The following BCL11B variants were observed in gnomAD, a reference collection of about 807,000 sequenced individuals.
The protein encoded by BCL11B is BCL11 transcription factor B.
In BCL11B, 8 loss-of-function variants were observed where a neutral mutation model predicts 49.9. That is an observed-to-expected ratio of 0.16 (90% CI 0.09 to 0.29). BCL11B has a LOEUF of 0.29. BCL11B is among the 10% of genes least tolerant of loss of function. The pLI is 1.00. For missense variants in BCL11B, 1,006 were observed against 1,351.0 expected, an observed-to-expected ratio of 0.74 and a Z score of 4.00; for synonymous variants, 739 against 637.4, an observed-to-expected ratio of 1.16 and a Z score of -2.40.
rs1457170072 is a variant in BCL11B at position 99,231,593 on chromosome 14, G to A, written c.428-36C>T. 2 of 1,543,612 alleles carry A rather than the reference G, an allele frequency of 1.3e-6. No homozygotes were observed. The highest frequency in any genetic ancestry group is 2.4e-5 in the East Asian group (1 of 40,942). On this transcript the variant is annotated intron_variant, in intron 2 of 3. Transcript: ENST00000357195. The surrounding 1 kb of genome is among the most constrained non-coding windows in gnomAD (Gnocchi z 8.1). ...AACAATAGAAAAGACTGGTCAGTCGGGCCCTGGACTGTGTGAGGGGCACGG... is the reference window on the plus strand; with the variant it reads ...AACAATAGAAAAGACTGGTCAGTCGAGCCCTGGACTGTGTGAGGGGCACGG...
At chr14:99,181,775 A>C (rs1886710770) in intron 3 of BCL11B, among the ~76,000 whole-genome samples, 1 of 152,170 alleles carries the variant, frequency 6.6e-6, no homozygotes, top group African/African-American at 2.4e-5. Flanking sequence ...CAGGGATGGG[A>C]AACCAGATCC....
chr14:99,230,058 C>T (rs940240779), intron 3 of BCL11B, among the ~76,000 whole-genome samples: 1 of 152,190 alleles, frequency 6.6e-6, no homozygotes, highest in Non-Finnish European at 1.5e-5. Flanking sequence ...AACCAGAACT[C>T]CCTTTTGGAA....
Position 99,242,494 on chromosome 14 carries a change from A to C in BCL11B, c.428-10937T>G, listed in dbSNP as rs116047363. Among the ~76,000 whole-genome samples, 232 of 152,220 alleles carry C rather than the reference A, an allele frequency of 1.5e-3. 2 individuals are homozygous for C. Among genetic ancestry groups the C allele is most frequent in the African/African-American group, 5.5e-3 (227 of 41,544 alleles). On this transcript the variant is annotated intron_variant, in intron 2 of 3. Transcript: ENST00000357195. The surrounding 1 kb of genome is among the most constrained non-coding windows in gnomAD (Gnocchi z 4.4). ...AGACAGCTCCTGGCTCCAAGCCTGCACCATCGCAGACTCCAGGTATCTGCC... is the reference window on the plus strand; with the variant it reads ...AGACAGCTCCTGGCTCCAAGCCTGCCCCATCGCAGACTCCAGGTATCTGCC...
At chr14:99,188,201 T>C (rs1050179603) in intron 3 of BCL11B, among the ~76,000 whole-genome samples, 3 of 152,346 alleles carry the variant, frequency 2.0e-5, no homozygotes, top group South Asian at 2.1e-4. Context: ...GAATTTGTAA[T>C]AAAAACATGC....
chr14:99,209,828 A>G (rs1053236586), intron 3 of BCL11B, among the ~76,000 whole-genome samples: 5 of 152,120 alleles, frequency 3.3e-5, no homozygotes, highest in African/African-American at 1.2e-4. Flanking sequence ...AAACCACTGC[A>G]AAAATGCAGT....
At chr14:99,212,106 T>G (rs1268143271) in intron 3 of BCL11B, among the ~76,000 whole-genome samples, 3 of 152,154 alleles carry the variant, frequency 2.0e-5, no homozygotes, top group African/African-American at 4.8e-5. Flanking sequence ...TGTCTTCTTT[T>G]CCAGGAGGTG....
At chr14:99,181,258 G>C (rs1313303136) in intron 3 of BCL11B, among the ~76,000 whole-genome samples, 1 of 152,176 alleles carries the variant, frequency 6.6e-6, no homozygotes, top group Non-Finnish European at 1.5e-5. Context: ...GTAAGAACTG[G>C]ATTCTGGCTT....
intron 3 of BCL11B, among the ~76,000 whole-genome samples, chr14:99,229,031 G>GATGGATGGATGC (rs1888240890): frequency 8.1e-6 from 1 of 123,722 alleles, no homozygotes; most frequent in African/African-American, 3.2e-5. Context: ...TGGATGGATG[G>GATGGATGGATGC]ATGGATGGAT....
Position 99,176,051 on chromosome 14 carries a change from C to T in BCL11B, c.785G>A (p.Arg262Gln), listed in dbSNP as rs1886516216. The T allele has an allele frequency of 2.5e-6, 4 of 1,597,514 alleles. No individual in the cohort carries two copies. The highest frequency in any genetic ancestry group is 3.4e-6 in the Non-Finnish European group (4 of 1,171,776). Residue 262 changes from arginine to glutamine, a missense_variant, in exon 4 of 4, where the codon CGG becomes CAG. By Grantham distance (43) the Arg-to-Gln change is conservative. Coordinates refer to ENST00000357195, the MANE Select transcript of BCL11B (RefSeq NM_138576.4). ...CCCGAGCGGCGGCGGGATGGTGAGC[C>T]GCGGCGTGAGCGAGCTGCTGGCCGG... ...PGPASSSLTPRLTIPPPLGPE... is the reference protein window; with the variant it reads ...PGPASSSLTPQLTIPPPLGPE...
chr14:99,255,599 T>TTGGCAAAAGCAGCAAATCTTTCCA (rs1206017538), intron 2 of BCL11B, among the ~76,000 whole-genome samples: 1 of 152,132 alleles, frequency 6.6e-6, no homozygotes, highest in Non-Finnish European at 1.5e-5. Context: ...TTGGATGTTT[T>TTGGCAAAAGCAGCAAATCTTTCCA]TGGCAAAAGC....
rs1886226904 is a variant in BCL11B at position 99,169,743 on chromosome 14, T to G, written c.*4408A>C. The G allele has an allele frequency of 4.5e-6, 1 of 224,254 alleles. No individual in the cohort carries two copies. Among genetic ancestry groups the G allele is most frequent in the Non-Finnish European group, 8.9e-6 (1 of 112,222 alleles). The allele number at this position is 224,254 out of a possible 1,614,324, so 13.9% of individuals were successfully genotyped here. A position where few individuals can be genotyped will look rare whatever the true frequency, so the allele number is the denominator to read the frequency against. Reference sequence around the variant, plus strand: ...ACAAGGAGCACCAAAATCACGGGTTTGCCTGTGTTCCACGAGACCTTCGGC... The same window carrying G: ...ACAAGGAGCACCAAAATCACGGGTTGGCCTGTGTTCCACGAGACCTTCGGC... On this transcript the variant is annotated 3_prime_UTR_variant, in exon 4 of 4. Coordinates refer to ENST00000357195, the MANE Select transcript of BCL11B (RefSeq NM_138576.4).
At position 99,194,256 on chromosome 14, in the gene BCL11B, TC is replaced by T. The variant is rs1159231180; in HGVS notation, c.641-18062del. ...AGCAAGTGCTGCTGGCCCCGGACTG[TC>T]CCCCAGCAGCAGAAGTCACAGTCAG... On this transcript the variant is annotated intron_variant, in intron 3 of 3. Transcript: ENST00000357195. This position sits in a 1 kb window ranked among gnomAD's most constrained non-coding sequence, Gnocchi z 4.6. 6.6e-6 allele frequency among the ~76,000 whole-genome samples: 1 copy of T among 151,522 alleles called. No homozygotes were observed. The highest frequency in any genetic ancestry group is 1.5e-5 in the Non-Finnish European group (1 of 67,872).
chr14:99,217,098 ACT>A (rs769289526), intron 3 of BCL11B, among the ~76,000 whole-genome samples: 21 of 152,236 alleles, frequency 1.4e-4, no homozygotes, highest in Admixed American at 9.2e-4. Context: ...ACATTCACAC[ACT>A]GACATGCAAA....
intron 3 of BCL11B, among the ~76,000 whole-genome samples, chr14:99,210,796 G>A (rs1340556432): frequency 1.3e-5 from 2 of 152,156 alleles, no homozygotes; most frequent in Non-Finnish European, 1.5e-5. Flanking sequence ...ACTGACGTGC[G>A]GAGGAGCCTG....
chr14:99,187,719 T>G (rs1886896593), intron 3 of BCL11B, among the ~76,000 whole-genome samples: 1 of 149,990 alleles, frequency 6.7e-6, no homozygotes, highest in Admixed American at 6.6e-5. Context: ...GATCAGTGTG[T>G]AGCTGTTTCT....
chr14:99,255,900 T>C (rs1212447702), intron 2 of BCL11B, among the ~76,000 whole-genome samples: 1 of 152,196 alleles, frequency 6.6e-6, no homozygotes, highest in Non-Finnish European at 1.5e-5. Context: ...ATGAGACACT[T>C]CATGCTAGGG....
At position 99,176,080 on chromosome 14, in the gene BCL11B, G is replaced by T; in HGVS notation, c.756C>A (p.Pro252=). Residue 252 remains proline, a synonymous_variant, in exon 4 of 4, where the codon CCC becomes CCA. Coordinates refer to ENST00000357195, the MANE Select transcript of BCL11B (RefSeq NM_138576.4). Reference sequence around the variant, plus strand: ...GCGTGAGCGAGCTGCTGGCCGGCCCGGGCTCCAGGTAGATGCGGAAGCCGT... The same window carrying T: ...GCGTGAGCGAGCTGCTGGCCGGCCCTGGCTCCAGGTAGATGCGGAAGCCGT... The part of the protein sequence containing the change: ...NTHGFRIYLE[P]GPASSSLTPR... 5 of 1,607,204 alleles carry T rather than the reference G, an allele frequency of 3.1e-6. No individual in the cohort carries two copies. Among genetic ancestry groups the T allele is most frequent in the Non-Finnish European group, 4.2e-6 (5 of 1,176,716 alleles).
rs1887122200 is a variant in BCL11B at position 99,194,401 on chromosome 14, A to G, written c.641-18206T>C. 6.6e-6 allele frequency among the ~76,000 whole-genome samples: 1 copy of G among 152,218 alleles called. No homozygotes were observed. Among genetic ancestry groups the G allele is most frequent in the South Asian group, 2.1e-4 (1 of 4,836 alleles). On this transcript the variant is annotated intron_variant, in intron 3 of 3. Transcript: ENST00000357195. The surrounding 1 kb of genome is among the most constrained non-coding windows in gnomAD (Gnocchi z 4.6). Reference sequence around the variant, plus strand: ...AACATCCCTAGGGGGTGGCAGGGCCAGGAAGATGCCTGTAGGCATGGCCAG... The same window carrying G: ...AACATCCCTAGGGGGTGGCAGGGCCGGGAAGATGCCTGTAGGCATGGCCAG...
At chr14:99,259,271 A>T (rs1889268920) in intron 1 of BCL11B, among the ~76,000 whole-genome samples, 1 of 152,212 alleles carries the variant, frequency 6.6e-6, no homozygotes, top group Admixed American at 6.5e-5. Flanking sequence ...AGGAAAATAC[A>T]TTCCGTGGCA....
Sources: gnomAD v4.1 joint callset for allele counts (sites outside exome capture counted in the v4.1 genomes callset) on GRCh38, gnomAD v4.1.1 for gene constraint, Gnocchi (gnomAD v3.1) non-coding constraint, MANE v1.5 for transcripts, NCBI Gene and HGNC (gene_info 2026-07-23, HGNC 2026-07-21) for gene names.